RGS20: variants seen among roughly 807,000 people sequenced by gnomAD.
RGS20 encodes gz-selective GTPase-activating protein.
A neutral mutation model predicts 33.6 loss-of-function variants in RGS20; 30 were observed. The observed-to-expected ratio is 0.89, with a 90% CI of 0.67 to 1.21. RGS20 has a LOEUF of 1.21. RGS20 is among the 50% of genes most tolerant of loss of function. The pLI, the probability that RGS20 is intolerant of heterozygous loss-of-function variation, is 0.00. For missense variants in RGS20, 472 were observed against 502.4 expected (o/e 0.94, Z 0.58); for synonymous variants, 208 against 197.9 (o/e 1.05, Z -0.43).
intron 1 of RGS20, among the ~76,000 whole-genome samples, chr8:53,863,090 G>C (rs1811844588): frequency 6.6e-6 from 1 of 152,022 alleles, no homozygotes; most frequent in African/African-American, 2.4e-5. Context: ...CCAGTTCAAG[G>C]GATTCTCCTG....
At chr8:53,925,641 A>G (rs1366539087) in intron 2 of RGS20, among the ~76,000 whole-genome samples, 1 of 152,194 alleles carries the variant, frequency 6.6e-6, no homozygotes, top group Non-Finnish European at 1.5e-5. Flanking sequence ...AGGCTGAGGC[A>G]GGAGAATCAC....
intron 2 of RGS20, among the ~76,000 whole-genome samples, chr8:53,907,389 AG>A (rs1377105748): frequency 6.6e-6 from 1 of 152,146 alleles, no homozygotes; most frequent in Non-Finnish European, 1.5e-5. Context: ...GTTCAAGACC[AG>A]CCTGGCCAAC....
At chr8:53,895,758 C>T (rs1812839434) in intron 2 of RGS20, among the ~76,000 whole-genome samples, 1 of 151,576 alleles carries the variant, frequency 6.6e-6, no homozygotes, top group Non-Finnish European at 1.5e-5. Flanking sequence ...AGTTCTCTTG[C>T]CTTAGCCTCT....
chr8:53,853,377 T>C (rs1381204888), intron 1 of RGS20, among the ~76,000 whole-genome samples: 1 of 152,138 alleles, frequency 6.6e-6, no homozygotes, highest in African/African-American at 2.4e-5. Flanking sequence ...AGAATCAGTA[T>C]TACACCTTCC....
intron 2 of RGS20, among the ~76,000 whole-genome samples, chr8:53,905,964 A>G (rs1210198672): frequency 6.6e-6 from 1 of 152,040 alleles, no homozygotes; most frequent in African/African-American, 2.4e-5. Flanking sequence ...TGGCTTTTCC[A>G]TCCTTTTCCT....
intron 2 of RGS20, among the ~76,000 whole-genome samples, chr8:53,891,216 T>A (rs907431290): frequency 3.9e-5 from 6 of 152,236 alleles, no homozygotes; most frequent in African/African-American, 1.4e-4. Flanking sequence ...GGAAGAACTC[T>A]CTTACTCAGA....
At chr8:53,940,584 G>T (rs1345924716) in intron 3 of RGS20, among the ~76,000 whole-genome samples, 1 of 152,200 alleles carries the variant, frequency 6.6e-6, no homozygotes, top group East Asian at 1.9e-4. Flanking sequence ...GAGGAGAGTG[G>T]AGTTGAAAAT....
At chr8:53,919,097 C>T (rs2129285793) in intron 2 of RGS20, among the ~76,000 whole-genome samples, 1 of 152,306 alleles carries the variant, frequency 6.6e-6, no homozygotes, top group East Asian at 1.9e-4. Context: ...TTTACCCATC[C>T]TAGTAGGAAT....
intron 4 of RGS20, among the ~76,000 whole-genome samples, chr8:53,952,568 T>C (rs1400390838): frequency 6.6e-6 from 1 of 151,334 alleles, no homozygotes; most frequent in African/African-American, 2.4e-5. Context: ...CTACTAAAAA[T>C]ACAAAAAATT....
intron 4 of RGS20, among the ~76,000 whole-genome samples, chr8:53,949,392 C>T (rs1365588431): frequency 6.7e-6 from 1 of 150,136 alleles, no homozygotes; most frequent in African/African-American, 2.4e-5. Flanking sequence ...AAACATGAAA[C>T]AGTTATATTT....
chr8:53,877,815 A>G lies in RGS20; in HGVS notation c.166-1443A>G, dbSNP rs571412805. Among the ~76,000 whole-genome samples, 1 of 152,312 alleles carries G rather than the reference A, an allele frequency of 6.6e-6. No homozygotes were observed. Among genetic ancestry groups the G allele is most frequent in the South Asian group, 2.1e-4 (1 of 4,824 alleles). ...GACAGCAAGACAAATCAGCCACCGC[A>G]CTCGCGGCTTCCCAGAAAGGGCCTC... On this transcript the variant is annotated intron_variant, in intron 1 of 5. Transcript: ENST00000297313. The surrounding 1 kb of genome is among the most constrained non-coding windows in gnomAD (Gnocchi z 5.7).
intron 2 of RGS20, among the ~76,000 whole-genome samples, chr8:53,920,571 GA>G (rs1236243190): frequency 1.3e-5 from 2 of 152,126 alleles, no homozygotes; most frequent in Non-Finnish European, 1.5e-5. Context: ...AATGTAGTAT[GA>G]ATAGAAGTGG....
At chr8:53,867,706 T>TTCCTTC (rs1563343677) in intron 1 of RGS20, among the ~76,000 whole-genome samples, 88 of 120,634 alleles carry the variant, frequency 7.3e-4, no homozygotes, top group African/African-American at 2.6e-3. Context: ...TTCCTTCCTT[T>TTCCTTC]CTTTGTTTCT....
chr8:53,867,132 T>C (rs746394376), intron 1 of RGS20, among the ~76,000 whole-genome samples: 1 of 152,166 alleles, frequency 6.6e-6, no homozygotes, highest in Non-Finnish European at 1.5e-5. Context: ...TCCATCGCTC[T>C]GTGCTTTAGC....
Position 53,879,416 on chromosome 8 carries a change from T to C in RGS20, c.324T>C (p.Leu108=). 1 of 1,608,152 alleles carries C rather than the reference T, an allele frequency of 6.2e-7. No homozygotes were observed. Among genetic ancestry groups the C allele is most frequent in the South Asian group, 1.1e-5 (1 of 90,878 alleles). Residue 108 remains leucine (L), a synonymous_variant, in exon 2 of 6, where the codon CTT becomes CTC. Transcript: ENST00000297313. The stretch of plus-strand genomic sequence containing the variant: ...GGCGCCTGGACTTCTCCCCCCTGCT[T>C]CCCGCCCTGCCGGCCGCCCGGCTCT...
chr8:53,904,844 A>T (rs1054606092), intron 2 of RGS20, among the ~76,000 whole-genome samples: 4 of 152,192 alleles, frequency 2.6e-5, no homozygotes, highest in Non-Finnish European at 4.4e-5. Context: ...AAACATACAT[A>T]ATTTATTTAT....
intron 5 of RGS20, among the ~76,000 whole-genome samples, chr8:53,954,582 T>C (rs1317592621): frequency 6.6e-6 from 1 of 151,796 alleles, no homozygotes. Flanking sequence ...GAGAATCGCT[T>C]GAACCTAGGA....
chr8:53,897,735 T>G lies in RGS20; in HGVS notation c.510+18133T>G, dbSNP rs889892381. Among the ~76,000 whole-genome samples, 3 of 152,228 alleles carry G rather than the reference T, an allele frequency of 2.0e-5. No individual in the cohort carries two copies. In the South Asian group the frequency reaches 6.2e-4, roughly 31 times the overall value. The stretch of plus-strand genomic sequence containing the variant: ...CACATTGAATTCATTTGCTGCTTTC[T>G]CAAGTTGCTAACTTGTTCCTGTATT... On this transcript the variant is annotated intron_variant, in intron 2 of 5. Coordinates refer to ENST00000297313, the MANE Select transcript of RGS20 (RefSeq NM_170587.4).
At chr8:53,956,644 G>A (rs760152895) in intron 5 of RGS20, among the ~76,000 whole-genome samples, 6 of 152,120 alleles carry the variant, frequency 3.9e-5, no homozygotes, top group Non-Finnish European at 8.8e-5. Flanking sequence ...TTAATTTTGC[G>A]TCGTTACGTT....
Sources: allele counts gnomAD v4.1 joint callset (sites outside exome capture counted in the v4.1 genomes callset), GRCh38; gene constraint gnomAD v4.1.1; non-coding constraint Gnocchi (gnomAD v3.1); transcripts MANE v1.5; gene names NCBI Gene and HGNC (gene_info 2026-07-23, HGNC 2026-07-21).